Variants in PTPRT observed in about 807,000 individuals in gnomAD.
PTPRT encodes the protein receptor-type tyrosine-protein phosphatase T.
A neutral mutation model predicts 176.8 loss-of-function variants in PTPRT; 56 were observed. That is an observed-to-expected ratio of 0.32 (90% confidence interval 0.26 to 0.40). The LOEUF is 0.40. Among genes scored for constraint, PTPRT ranks in the 10% least tolerant of loss-of-function variants. The pLI, the probability that PTPRT is intolerant of heterozygous loss-of-function variation, is 1.00. For missense variants in PTPRT, 1,540 were observed against 1,908.2 expected, an observed-to-expected ratio of 0.81 and a Z score of 3.60; for synonymous variants, 783 against 739.0, an observed-to-expected ratio of 1.06 and a Z score of -0.96.
intron 7 of PTPRT, among the ~76,000 whole-genome samples, chr20:42,583,281 C>A (rs1055935940): frequency 6.6e-6 from 1 of 152,178 alleles, no homozygotes; most frequent in African/African-American, 2.4e-5. Flanking sequence ...GGAGAACTGA[C>A]AATGGCAACC....
chr20:42,507,599 T>C (rs966906213), intron 7 of PTPRT, among the ~76,000 whole-genome samples: 1 of 152,186 alleles, frequency 6.6e-6, no homozygotes, highest in African/African-American at 2.4e-5. Flanking sequence ...ACTAATGTCT[T>C]AATACATGAA....
chr20:42,481,026 C>CT (rs113393465), intron 7 of PTPRT, among the ~76,000 whole-genome samples: 24,074 of 143,228 alleles, frequency 0.17, 2,061 homozygotes, highest in African/African-American at 0.23. Context: ...AGTAGGTGAG[C>CT]TTTTTTTTTT....
chr20:42,517,388 T>G (rs956501662), intron 7 of PTPRT, among the ~76,000 whole-genome samples: 3 of 152,002 alleles, frequency 2.0e-5, no homozygotes, highest in Non-Finnish European at 2.9e-5. Context: ...TATTTGTACC[T>G]TCTCTCTTTT....
chr20:42,616,544 A>G (rs1421778307), intron 7 of PTPRT, among the ~76,000 whole-genome samples: 19 of 126,120 alleles, frequency 1.5e-4, no homozygotes, highest in Admixed American at 3.0e-4. Context: ...GGCCATTTTC[A>G]CAATATTGAT....
chr20:42,058,332 G>A, the PTPRT span, among the ~76,000 whole-genome samples: 1 of 152,208 alleles, frequency 6.6e-6, no homozygotes, highest in African/African-American at 2.4e-5. Context: ...GGTCCCTGGA[G>A]CCCAGGTGGG....
chr20:42,918,188 C>A (rs1402668348), intron 1 of PTPRT, among the ~76,000 whole-genome samples: 1 of 152,096 alleles, frequency 6.6e-6, no homozygotes, highest in African/African-American at 2.4e-5. Flanking sequence ...TCAACCAGTG[C>A]CATCTGTTCA....
chr20:42,882,508 T>C (rs1476165857), intron 2 of PTPRT, among the ~76,000 whole-genome samples: 2 of 152,168 alleles, frequency 1.3e-5, no homozygotes, highest in African/African-American at 4.8e-5. Flanking sequence ...GGTTTTCTGA[T>C]CCGTAAAATG....
chr20:42,340,754 C>G (rs573527578), intron 11 of PTPRT, among the ~76,000 whole-genome samples: 1 of 152,026 alleles, frequency 6.6e-6, no homozygotes, highest in Non-Finnish European at 1.5e-5. Context: ...CGAGAGCCAT[C>G]GGTTATCAGC....
chr20:42,621,042 A>G (rs1296562106), intron 7 of PTPRT, among the ~76,000 whole-genome samples: 1 of 151,930 alleles, frequency 6.6e-6, no homozygotes, highest in Non-Finnish European at 1.5e-5. Context: ...GGAAAGACCC[A>G]CCCCCATGAT....
intron 1 of PTPRT, among the ~76,000 whole-genome samples, chr20:43,155,686 A>C (rs2146430224): frequency 6.6e-6 from 1 of 152,334 alleles, no homozygotes; most frequent in Non-Finnish European, 1.5e-5. Context: ...TTGTGCTCTC[A>C]CCACAAAAAT....
Position 42,574,981 on chromosome 20 carries a change from C to T in PTPRT, c.1154-102419G>A, listed in dbSNP as rs1211645428. ...TGCCATGATTGTAAGTTTCCTGAGGCCTCCCCAGCCATGCAGAACTGTGAG... is the reference window on the plus strand; with the variant it reads ...TGCCATGATTGTAAGTTTCCTGAGGTCTCCCCAGCCATGCAGAACTGTGAG... On this transcript the variant is annotated intron_variant, in intron 7 of 30. Transcript: ENST00000373187. Among the ~76,000 whole-genome samples, 4 of 152,140 alleles carry T rather than the reference C, an allele frequency of 2.6e-5. No homozygotes were observed. In the East Asian group the frequency reaches 7.7e-4, roughly 29 times the overall value.
chr20:42,559,881 G>T (rs1021833781), intron 7 of PTPRT, among the ~76,000 whole-genome samples: 19 of 152,154 alleles, frequency 1.2e-4, no homozygotes, highest in Non-Finnish European at 1.9e-4. Flanking sequence ...ATCCAAGCCG[G>T]GTGGGAGGTG....
At chr20:42,870,494 G>A (rs577748457) in intron 2 of PTPRT, among the ~76,000 whole-genome samples, 8 of 152,284 alleles carry the variant, frequency 5.3e-5, no homozygotes, top group African/African-American at 1.4e-4. Flanking sequence ...TCAAGATTCT[G>A]CTTTCAATTA....
At chr20:42,098,110 C>T (rs2146208922) in intron 27 of PTPRT, among the ~76,000 whole-genome samples, 1 of 152,260 alleles carries the variant, frequency 6.6e-6, no homozygotes, top group South Asian at 2.1e-4. Context: ...AGCCTCCTGG[C>T]TCTGCAAGAT....
intron 9 of PTPRT, among the ~76,000 whole-genome samples, chr20:42,429,333 A>C (rs6030228): frequency 3.7e-4 from 57 of 152,280 alleles, no homozygotes; most frequent in African/African-American, 1.3e-3. Context: ...GCCGGTTGAG[A>C]GAATCGGGGC....
chr20:42,292,124 C>T (rs994353311), intron 12 of PTPRT, among the ~76,000 whole-genome samples: 15 of 152,138 alleles, frequency 9.9e-5, no homozygotes, highest in African/African-American at 3.6e-4. Flanking sequence ...CATCCCACCC[C>T]ACCTCACGCA....
chr20:42,971,965 T>C (rs990934030), intron 1 of PTPRT, among the ~76,000 whole-genome samples: 1 of 151,846 alleles, frequency 6.6e-6, no homozygotes, highest in Non-Finnish European at 1.5e-5. Context: ...AGGCACACAA[T>C]GGATGACAAT....
At chr20:42,532,369 T>C (rs1455334679) in intron 7 of PTPRT, among the ~76,000 whole-genome samples, 1 of 152,092 alleles carries the variant, frequency 6.6e-6, no homozygotes, top group African/African-American at 2.4e-5. Context: ...TCCATTCACA[T>C]CCTTCTATAA....
intron 6 of PTPRT, among the ~76,000 whole-genome samples, chr20:42,690,545 G>T (rs374230572): frequency 6.6e-6 from 1 of 152,154 alleles, no homozygotes; most frequent in Non-Finnish European, 1.5e-5. Context: ...TGTTCAACAT[G>T]CTGGGTGAGT....
Sources: allele counts gnomAD v4.1 joint callset (sites outside exome capture counted in the v4.1 genomes callset), GRCh38; gene constraint gnomAD v4.1.1; transcripts MANE v1.5; gene names NCBI Gene and HGNC (gene_info 2026-07-23, HGNC 2026-07-21).